Variants in SPIDR observed in about 807,000 individuals in gnomAD.
SPIDR encodes DNA repair-scaffolding protein.
Under a neutral mutation model 104.6 loss-of-function variants are expected in SPIDR, and 93 were observed. That is an observed-to-expected ratio of 0.89 (90% CI 0.75 to 1.06). SPIDR has a LOEUF of 1.06. SPIDR is among the 50% of genes least tolerant of loss of function. The pLI, the probability that SPIDR is intolerant of heterozygous loss-of-function variation, is 0.00. For missense variants in SPIDR, 1,154 were observed against 1,111.2 expected (o/e 1.04, Z -0.55); for synonymous variants, 431 against 416.9 (o/e 1.03, Z -0.41).
chr8:47,303,634 A>C (rs923536095), intron 5 of SPIDR, among the ~76,000 whole-genome samples: 1 of 152,120 alleles, frequency 6.6e-6, no homozygotes, highest in East Asian at 1.9e-4. Flanking sequence ...TTTGTCTTCC[A>C]TTCTATTAAC....
chr8:47,520,734 C>T (rs1360301084), intron 8 of SPIDR, among the ~76,000 whole-genome samples: 1 of 152,208 alleles, frequency 6.6e-6, no homozygotes, highest in Middle Eastern at 3.2e-3. Context: ...GGTTAAATAA[C>T]TTGCTGAATT....
intron 8 of SPIDR, among the ~76,000 whole-genome samples, chr8:47,457,506 A>G (rs997322025): frequency 1.3e-5 from 2 of 152,052 alleles, no homozygotes; most frequent in African/African-American, 2.4e-5. Flanking sequence ...GTACTTTGTC[A>G]GATATATAGA....
chr8:47,509,330 G>A (rs1024654381), intron 8 of SPIDR, among the ~76,000 whole-genome samples: 5 of 152,184 alleles, frequency 3.3e-5, no homozygotes, highest in Non-Finnish European at 4.4e-5. Flanking sequence ...TAGCCTCTTG[G>A]GAGTGTAGTT....
At chr8:47,720,080 T>G (rs943933151) in intron 16 of SPIDR, among the ~76,000 whole-genome samples, 1 of 152,288 alleles carries the variant, frequency 6.6e-6, no homozygotes, top group Non-Finnish European at 1.5e-5. Flanking sequence ...TTTGGCCTTG[T>G]CCAGAATGTC....
chr8:47,662,980 A>G (rs73569223), intron 10 of SPIDR, among the ~76,000 whole-genome samples: 2,499 of 152,292 alleles, frequency 0.016, 67 homozygotes, highest in African/African-American at 0.058. Context: ...ATACATTTCT[A>G]TTGTTTATGA....
intron 5 of SPIDR, among the ~76,000 whole-genome samples, chr8:47,335,440 T>TTTTG (rs1311304434): frequency 6.6e-6 from 1 of 152,258 alleles, no homozygotes; most frequent in African/African-American, 2.4e-5. Context: ...TTATGTGGTT[T>TTTTG]TTTGTTTGTT....
At position 47,514,540 on chromosome 8, in the gene SPIDR, C is replaced by A. The variant is rs565174930; in HGVS notation, c.1097+73998C>A. ...TTACTATGGTAGAAATCTAAAGAAA[C>A]AGTGAGGCATAAAAGAGGGGTATGC... On this transcript the variant is annotated intron_variant, in intron 8 of 19. Coordinates refer to ENST00000297423, the MANE Select transcript of SPIDR (RefSeq NM_001080394.4). 2.0e-5 allele frequency among the ~76,000 whole-genome samples: 3 copies of A among 152,228 alleles called. No homozygotes were observed. The South Asian group carries it at 6.2e-4, about 32-fold the overall frequency.
At chr8:47,354,412 A>G (rs1315634889) in intron 5 of SPIDR, among the ~76,000 whole-genome samples, 1 of 151,296 alleles carries the variant, frequency 6.6e-6, no homozygotes, top group Middle Eastern at 3.2e-3. Context: ...AAAGCTAAGG[A>G]TTGGAGCTTA....
intron 10 of SPIDR, among the ~76,000 whole-genome samples, chr8:47,611,813 G>T (rs1366931651): frequency 6.6e-6 from 1 of 152,186 alleles, no homozygotes; most frequent in Non-Finnish European, 1.5e-5. Flanking sequence ...ACAGGCAGAT[G>T]ATAGAAGAAT....
At chr8:47,432,556 TG>T (rs2067551984) in intron 7 of SPIDR, among the ~76,000 whole-genome samples, 1 of 152,224 alleles carries the variant, frequency 6.6e-6, no homozygotes, top group African/African-American at 2.4e-5. Flanking sequence ...TAGATGAAAT[TG>T]TTTACTTTTT....
At chr8:47,623,521 C>T (rs544519379) in intron 10 of SPIDR, among the ~76,000 whole-genome samples, 1 of 152,058 alleles carries the variant, frequency 6.6e-6, no homozygotes, top group East Asian at 1.9e-4. Flanking sequence ...CATATAGGCC[C>T]AAAATGAAGG....
Position 47,511,700 on chromosome 8 carries a change from G to T in SPIDR, c.1097+71158G>T, listed in dbSNP as rs2082351071. The T allele has an allele frequency of 5.1e-6, 5 of 989,248 alleles. No individual in the cohort carries two copies. In the South Asian group the frequency reaches 5.1e-5, roughly 10 times the overall value. 61.3% of individuals were successfully genotyped at this position (989,248 alleles called of 1,614,324 possible). A position where few individuals can be genotyped will look rare whatever the true frequency, so the allele number is the denominator to read the frequency against. On this transcript the variant is annotated intron_variant, in intron 8 of 19. Coordinates refer to ENST00000297423, the MANE Select transcript of SPIDR (RefSeq NM_001080394.4). The stretch of plus-strand genomic sequence containing the variant: ...AGGCCATAGCCATCTCCGGCAAATG[G>T]TCTTGGTGTACTGGTCTCTCCAGGT...
At chr8:47,532,880 A>G (rs2086260385) in intron 8 of SPIDR, among the ~76,000 whole-genome samples, 1 of 152,248 alleles carries the variant, frequency 6.6e-6, no homozygotes, top group Non-Finnish European at 1.5e-5. Flanking sequence ...CAAATTCTGG[A>G]CCATAAAACA....
intron 8 of SPIDR, among the ~76,000 whole-genome samples, chr8:47,538,820 T>C (rs984068264): frequency 1.7e-4 from 26 of 151,638 alleles, no homozygotes; most frequent in African/African-American, 5.1e-4. Flanking sequence ...AAATGATTAT[T>C]GTGGGATATT....
intron 8 of SPIDR, among the ~76,000 whole-genome samples, chr8:47,526,707 T>C (rs993499062): frequency 9.2e-5 from 14 of 152,146 alleles, no homozygotes; most frequent in African/African-American, 3.4e-4. Context: ...TAGGTCAAAA[T>C]GAAGCAGTCC....
chr8:47,574,974 T>C (rs2058912281), intron 8 of SPIDR, among the ~76,000 whole-genome samples: 1 of 152,220 alleles, frequency 6.6e-6, no homozygotes, highest in African/African-American at 2.4e-5. Flanking sequence ...TTTCTTGATT[T>C]TTTTTTAACT....
intron 8 of SPIDR, among the ~76,000 whole-genome samples, chr8:47,462,391 C>T (rs1187879644): frequency 1.3e-5 from 2 of 152,102 alleles, no homozygotes; most frequent in Non-Finnish European, 2.9e-5. Context: ...TATATTCCTG[C>T]AGTAGTTCTG....
intron 1 of SPIDR, among the ~76,000 whole-genome samples, chr8:47,262,320 CT>C (rs980020126): frequency 7.3e-5 from 11 of 151,414 alleles, no homozygotes; most frequent in East Asian, 5.8e-4. Flanking sequence ...TTTCAAGACT[CT>C]TTTTTTTTAC....
At chr8:47,533,551 A>G (rs947812473) in intron 8 of SPIDR, among the ~76,000 whole-genome samples, 8 of 152,224 alleles carry the variant, frequency 5.3e-5, no homozygotes, top group African/African-American at 7.2e-5. Context: ...CAGCATCTAT[A>G]AGGAACTTAA....
Sources: gnomAD v4.1 joint callset for allele counts (sites outside exome capture counted in the v4.1 genomes callset) on GRCh38, gnomAD v4.1.1 for gene constraint, MANE v1.5 for transcripts, NCBI Gene and HGNC (gene_info 2026-07-23, HGNC 2026-07-21) for gene names.